Variants in RO60 observed in about 807,000 individuals in gnomAD.
The protein encoded by RO60 is RNA-binding protein RO60.
In RO60, 20 loss-of-function variants were observed where a neutral mutation model predicts 55.3. The observed-to-expected ratio is 0.36, with a 90% confidence interval of 0.25 to 0.53. The LOEUF (loss-of-function observed/expected upper bound fraction) is 0.53. Ranked by LOEUF, RO60 falls within the 20% of genes least tolerant of loss-of-function variation. The probability of loss-of-function intolerance (pLI) is 0.92; values close to 1 mark genes in which losing one functional copy is unlikely to be tolerated. For synonymous variants in RO60, 213 were observed against 213.6 expected (o/e 1.00, Z 0.02); for missense variants, 558 against 646.6 (o/e 0.86, Z 1.49).
In RO60 at chr1:193,059,676, T is replaced by A; in HGVS notation, c.-122T>A. On this transcript the variant is annotated 5_prime_UTR_variant, in exon 1 of 9. Transcript: ENST00000400968. This position sits in a 1 kb window ranked among gnomAD's most constrained non-coding sequence, Gnocchi z 4.9. ...GTGGGGCTGTTGCTGTTGCTGTGGC[T>A]GTCGCTGCCCGTCAGGCTGCCTTCT... 1 of 1,369,030 alleles carries A rather than the reference T, an allele frequency of 7.3e-7. No homozygotes were observed. The highest frequency in any genetic ancestry group is 1.2e-5 in the South Asian group (1 of 86,442). The allele number at this position is 1,369,030 out of a possible 1,614,324, so 84.8% of individuals were successfully genotyped here. A position where few individuals can be genotyped will look rare whatever the true frequency, so the allele number is the denominator to read the frequency against.
chr1:193,080,839 G>C (rs1207884899), intron 5 of RO60, among the ~76,000 whole-genome samples: 1 of 152,184 alleles, frequency 6.6e-6, no homozygotes, highest in Non-Finnish European at 1.5e-5. Flanking sequence ...AAGTGGAATA[G>C]AAGTTGCCAG....
chr1:193,069,690 G>T, intron 2 of RO60, 56 bp downstream of exon 2: 1 of 1,377,658 alleles, frequency 7.3e-7, no homozygotes, highest in Non-Finnish European at 9.9e-7. Context: ...TCAATAAATA[G>T]CAAATTTTTA....
At chr1:193,076,152 T>A in intron 3 of RO60, 112 bp downstream of exon 3, 1 of 632,662 alleles carries the variant, frequency 1.6e-6, no homozygotes, top group Non-Finnish European at 2.5e-6. Flanking sequence ...AGAAATTATT[T>A]AAAATATATC....
At chr1:193,071,413 A>G (rs1673489056) in intron 2 of RO60, among the ~76,000 whole-genome samples, 1 of 152,166 alleles carries the variant, frequency 6.6e-6, no homozygotes, top group Admixed American at 6.6e-5. Flanking sequence ...TGCTATTGCT[A>G]TTGCTGTTTC....
intron 2 of RO60, 106 bp from the exon 3 acceptor site, chr1:193,075,714 C>T: frequency 5.0e-6 from 4 of 801,232 alleles, no homozygotes; most frequent in Non-Finnish European, 8.0e-6. Flanking sequence ...GGCATTAACT[C>T]TTGTGTATCC....
At chr1:193,074,812 C>A (rs999952000) in intron 2 of RO60, among the ~76,000 whole-genome samples, 2 of 152,184 alleles carry the variant, frequency 1.3e-5, no homozygotes, top group African/African-American at 4.8e-5. Context: ...CTTGCCCACG[C>A]CTATGTCCTG....
intron 2 of RO60, chr1:193,070,434 A>C (rs1342363447): frequency 1.8e-5 from 6 of 328,060 alleles, no homozygotes; most frequent in Non-Finnish European, 3.1e-5. Context: ...CGTAATAATT[A>C]CTAGTCCTTT....
At chr1:193,080,781 G>T (rs1348713316) in intron 5 of RO60, among the ~76,000 whole-genome samples, 1 of 152,206 alleles carries the variant, frequency 6.6e-6, no homozygotes, top group Non-Finnish European at 1.5e-5. Flanking sequence ...AGTATTGTAT[G>T]ATTCCATTAT....
chr1:193,078,603 A>G (rs764431365), intron 5 of RO60, among the ~76,000 whole-genome samples: 2 of 152,202 alleles, frequency 1.3e-5, no homozygotes, highest in Non-Finnish European at 2.9e-5. Flanking sequence ...CAATCCAAAA[A>G]AAGAAATTAA....
In RO60 at chr1:193,069,058, G is replaced by A; in HGVS notation, c.4G>A (p.Glu2Lys). The A allele has an allele frequency of 1.9e-6, 3 of 1,598,890 alleles. No individual in the cohort carries two copies. Among genetic ancestry groups the A allele is most frequent in the Non-Finnish European group, 2.6e-6 (3 of 1,170,872 alleles). Residue 2 changes from glutamate (E) to lysine (K), a missense_variant, in exon 2 of 9, where the codon GAG becomes AAG. Coordinates refer to ENST00000400968, the MANE Select transcript of RO60 (RefSeq NM_001173524.2). ...GGTTTCCTAAAGACAAAAAAAAATG[G>A]AGGAATCTGTAAACCAAATGCAGCC... is the stretch of plus-strand genomic sequence containing the variant. M[E>K]ESVNQMQPLN...
At chr1:193,061,688 T>A (rs1038694233) in intron 1 of RO60, among the ~76,000 whole-genome samples, 1 of 152,232 alleles carries the variant, frequency 6.6e-6, no homozygotes, top group African/African-American at 2.4e-5. Context: ...ACCAATTTAA[T>A]ATGCGGCCAT....
chr1:193,059,770 G>C lies in RO60; in HGVS notation c.-28G>C, dbSNP rs759393706. 4.4e-6 allele frequency: 6 copies of C among 1,356,596 alleles called. No homozygotes were observed. The South Asian group carries it at 5.8e-5, about 13-fold the overall frequency. The allele number at this position is 1,356,596 out of a possible 1,614,324, so 84.0% of individuals were successfully genotyped here. A position where few individuals can be genotyped will look rare whatever the true frequency, so the allele number is the denominator to read the frequency against. On this transcript the variant is annotated 5_prime_UTR_variant, in exon 1 of 9. Transcript: ENST00000400968. This position sits in a 1 kb window ranked among gnomAD's most constrained non-coding sequence, Gnocchi z 4.9. ...TGCGGATCCAGGGGGTCGGCTGCCAGGTACAGGTGAGGACATTGCGGGAGG... is the reference window on the plus strand; with the variant it reads ...TGCGGATCCAGGGGGTCGGCTGCCACGTACAGGTGAGGACATTGCGGGAGG...
intron 1 of RO60, among the ~76,000 whole-genome samples, chr1:193,068,500 G>T (rs1025650900): frequency 5.3e-5 from 8 of 152,222 alleles, no homozygotes; most frequent in African/African-American, 1.9e-4. Context: ...ATGAATGTTA[G>T]ATAGGCAACC....
chr1:193,082,787 C>T (rs1674405370), intron 8 of RO60, 79 bp downstream of exon 8: 16 of 1,152,350 alleles, frequency 1.4e-5, no homozygotes, highest in Non-Finnish European at 1.8e-5. Context: ...TTTTTGGAGA[C>T]AGGACCTCAT....
intron 2 of RO60, among the ~76,000 whole-genome samples, chr1:193,070,955 A>C (rs1673448038): frequency 6.6e-6 from 1 of 152,238 alleles, no homozygotes; most frequent in African/African-American, 2.4e-5. Context: ...TCTTCAAAAG[A>C]AATAACTGCA....
Position 193,087,685 on chromosome 1 carries a change from A to C in RO60, c.*2954A>C, listed in dbSNP as rs1674676186. On this transcript the variant is annotated 3_prime_UTR_variant, in exon 9 of 9. Coordinates refer to ENST00000400968, the MANE Select transcript of RO60 (RefSeq NM_001173524.2). ...TCTGTGCTTGGATCATAGAAGAATCAGTGATTTAATATTTGTATAAAAATT... is the reference window on the plus strand; with the variant it reads ...TCTGTGCTTGGATCATAGAAGAATCCGTGATTTAATATTTGTATAAAAATT... 1 of 152,154 alleles carries C rather than the reference A, an allele frequency of 6.6e-6. No homozygotes were observed. Among genetic ancestry groups the C allele is most frequent in the East Asian group, 1.9e-4 (1 of 5,192 alleles). The allele number at this position is 152,154 out of a possible 1,614,324, so 9.4% of individuals were successfully genotyped here.
downstream of RO60, chr1:193,091,634 CTT>C (rs772289818): frequency 7.5e-6 from 12 of 1,603,320 alleles, no homozygotes; most frequent in Non-Finnish European, 1.0e-5. Flanking sequence ...CTGTGAAATC[CTT>C]TCTCTCCTTT....
At chr1:193,060,004 A>G in intron 1 of RO60, 3 of 1,363,820 alleles carry the variant, frequency 2.2e-6, no homozygotes, top group Non-Finnish European at 2.0e-6. Flanking sequence ...ACCATTCCTC[A>G]GGGTGGGCCC....
In RO60 at chr1:193,069,394, G is replaced by A; in HGVS notation, c.340G>A (p.Ala114Thr). ...AAGCACAAAACAAGCAGCATTTAAAGCTGTTTCTGAAGTTTGTCGCATTCC... is the reference window on the plus strand; with the variant it reads ...AAGCACAAAACAAGCAGCATTTAAAACTGTTTCTGAAGTTTGTCGCATTCC... ...DISTKQAAFKAVSEVCRIPTH... is the reference protein window; with the variant it reads ...DISTKQAAFKTVSEVCRIPTH... The change falls in exon 2 of 9, where the codon GCT becomes ACT. Residue 114 changes from alanine to threonine, a missense_variant. Coordinates refer to ENST00000400968, the MANE Select transcript of RO60 (RefSeq NM_001173524.2). 1 of 1,614,068 alleles carries A rather than the reference G, an allele frequency of 6.2e-7. No homozygotes were observed. Among genetic ancestry groups the A allele is most frequent in the South Asian group, 1.1e-5 (1 of 91,082 alleles).
Sources: gnomAD v4.1 joint callset for allele counts (sites outside exome capture counted in the v4.1 genomes callset) on GRCh38, gnomAD v4.1.1 for gene constraint, Gnocchi (gnomAD v3.1) non-coding constraint, MANE v1.5 for transcripts, NCBI Gene and HGNC (gene_info 2026-07-23, HGNC 2026-07-21) for gene names.